XXYLT1: variants seen among roughly 807,000 people sequenced by gnomAD.
XXYLT1 encodes UDP-xylose:alpha-xyloside alpha-1,3-xylosyltransferase.
XXYLT1 carries 20 observed loss-of-function variants against 28.9 expected under a neutral mutation model. The ratio of observed to expected loss-of-function variants is 0.69; its 90% CI spans 0.49 to 1.00. The LOEUF (loss-of-function observed/expected upper bound fraction) is 1.00. Ranked by LOEUF, XXYLT1 falls within the 50% of genes least tolerant of loss-of-function variation. XXYLT1 has a pLI of 0.00. For missense variants in XXYLT1, 542 were observed against 560.1 expected (o/e 0.97, Z 0.33); for synonymous variants, 257 against 253.8 (o/e 1.01, Z -0.12).
intron 3 of XXYLT1, among the ~76,000 whole-genome samples, chr3:195,122,761 G>A (rs1393042369): frequency 6.6e-6 from 1 of 152,210 alleles, no homozygotes; most frequent in Admixed American, 6.5e-5. Flanking sequence ...CCCCATCAGT[G>A]TGACAGCGGG....
At chr3:195,187,485 T>C (rs751886254) in intron 2 of XXYLT1, among the ~76,000 whole-genome samples, 89 of 152,172 alleles carry the variant, frequency 5.8e-4, no homozygotes, top group Non-Finnish European at 1.0e-3. Flanking sequence ...AATTTATCTG[T>C]ATAGTGCTAT....
chr3:195,185,643 T>C (rs1432318656), intron 2 of XXYLT1, among the ~76,000 whole-genome samples: 2 of 151,940 alleles, frequency 1.3e-5, no homozygotes, highest in African/African-American at 2.4e-5. Context: ...TCTGAGGTCA[T>C]GTTAGTCACA....
In XXYLT1 at chr3:195,240,545, G is replaced by A. The variant is rs1724731061; in HGVS notation, c.505-13689C>T. ...CTGAGCCAAGAAGGCACGTGGCAAG[G>A]GCTGGCCCCACGCACGGAAAGATGC... is the stretch of plus-strand genomic sequence containing the variant. On this transcript the variant is annotated intron_variant, in intron 1 of 3. Transcript: ENST00000310380. The surrounding 1 kb of genome is among the most constrained non-coding windows in gnomAD (Gnocchi z 4.7). 6.6e-6 allele frequency among the ~76,000 whole-genome samples: 1 copy of A among 152,252 alleles called. No individual in the cohort carries two copies. Among genetic ancestry groups the A allele is most frequent in the Non-Finnish European group, 1.5e-5 (1 of 68,046 alleles).
intron 2 of XXYLT1, chr3:195,207,522 T>C: frequency 2.2e-6 from 1 of 455,422 alleles, no homozygotes; most frequent in Non-Finnish European, 4.4e-6. Context: ...ATAGCCTTGC[T>C]CAAATACCAC....
intron 2 of XXYLT1, among the ~76,000 whole-genome samples, chr3:195,186,812 T>C (rs752012258): frequency 1.5e-4 from 23 of 151,918 alleles, no homozygotes; most frequent in Non-Finnish European, 2.6e-4. Flanking sequence ...CAGGTGAAAC[T>C]GAATAAATCT....
intron 3 of XXYLT1, among the ~76,000 whole-genome samples, chr3:195,119,993 C>T (rs879739243): frequency 5.3e-5 from 8 of 152,154 alleles, no homozygotes; most frequent in Non-Finnish European, 8.8e-5. Flanking sequence ...CCACTGGGCC[C>T]GCAGGATTCC....
chr3:195,074,524 G>C (rs1392525547), intron 3 of XXYLT1, among the ~76,000 whole-genome samples: 1 of 152,214 alleles, frequency 6.6e-6, no homozygotes, highest in East Asian at 1.9e-4. Flanking sequence ...TCCAAGATGA[G>C]AGTCCAGGAG....
chr3:195,176,598 T>C lies in XXYLT1; in HGVS notation c.653-20017A>G, dbSNP rs937786507. Among the ~76,000 whole-genome samples the C allele has an allele frequency of 6.6e-6, 1 of 152,210 alleles. No individual in the cohort carries two copies. ...AATTTATCGTGTTTATTAAGCTCCC[T>C]AGCTTCTCCAGTTCCTCATGTTTGG... On this transcript the variant is annotated intron_variant, in intron 2 of 3. Coordinates refer to ENST00000310380, the MANE Select transcript of XXYLT1 (RefSeq NM_152531.5). This position sits in a 1 kb window ranked among gnomAD's most constrained non-coding sequence, Gnocchi z 4.9.
At chr3:195,102,411 CCT>C (rs1279003120) in intron 3 of XXYLT1, among the ~76,000 whole-genome samples, 2 of 152,272 alleles carry the variant, frequency 1.3e-5, no homozygotes, top group South Asian at 2.1e-4. Flanking sequence ...CGCTGTATCC[CCT>C]GACTGGTATC....
At position 195,079,429 on chromosome 3, in the gene XXYLT1, C is replaced by T. The variant is rs150045749; in HGVS notation, c.786-9318G>A. 2.4e-3 allele frequency among the ~76,000 whole-genome samples: 362 copies of T among 152,254 alleles called. 1 individual carries two copies. The highest frequency in any genetic ancestry group is 0.02 in the Middle Eastern group (6 of 294). ...ACAGACTGAAGAAATACAGGGAAAA[C>T]GGCAGGGTGGCTTCTTTGAGGAATG... On this transcript the variant is annotated intron_variant, in intron 3 of 3. Transcript: ENST00000310380.
At chr3:195,223,616 T>C (rs975390189) in intron 2 of XXYLT1, among the ~76,000 whole-genome samples, 7 of 152,076 alleles carry the variant, frequency 4.6e-5, no homozygotes, top group African/African-American at 1.7e-4. Context: ...CAGTTAAGAA[T>C]CATGACAAAC....
rs184839676 is a variant in XXYLT1, at chr3:195,103,617, G to A, written c.786-33506C>T. On this transcript the variant is annotated intron_variant, in intron 3 of 3. Transcript: ENST00000310380. ...TTTAAAGGCCCTTACATTCACTGTCGCTGTGCCTTTACCTAGACTCAGATA... is the reference window on the plus strand; with the variant it reads ...TTTAAAGGCCCTTACATTCACTGTCACTGTGCCTTTACCTAGACTCAGATA... Among the ~76,000 whole-genome samples the A allele has an allele frequency of 7.4e-4, 113 of 152,316 alleles. 1 individual carries two copies. The highest frequency in any genetic ancestry group is 1.2e-3 in the Non-Finnish European group (82 of 68,026).
intron 2 of XXYLT1, among the ~76,000 whole-genome samples, chr3:195,201,854 C>T (rs933880766): frequency 2.6e-5 from 4 of 152,154 alleles, no homozygotes; most frequent in Admixed American, 6.6e-5. Context: ...CCCCTCCATC[C>T]GCACAGGAAA....
chr3:195,221,643 T>C (rs1723828156), intron 2 of XXYLT1, among the ~76,000 whole-genome samples: 1 of 152,148 alleles, frequency 6.6e-6, no homozygotes, highest in African/African-American at 2.4e-5. Context: ...ACTGCTGAGC[T>C]GGAGCCAGCA....
At position 195,076,306 on chromosome 3, in the gene XXYLT1, A is replaced by AT; in HGVS notation, c.786-6196_786-6195insA. On this transcript the variant is annotated intron_variant, in intron 3 of 3. Transcript: ENST00000310380. The surrounding 1 kb of genome is among the most constrained non-coding windows in gnomAD (Gnocchi z 5.3). ...CACCCACCCCACACCCACCCGTTCC[A>AT]GAGAGGAAGAAGCCCGCACGGGGTC... 6.7e-6 allele frequency among the ~76,000 whole-genome samples: 1 copy of AT among 150,374 alleles called. No individual in the cohort carries two copies. Among genetic ancestry groups the AT allele is most frequent in the African/African-American group, 2.4e-5 (1 of 41,242 alleles).
intron 3 of XXYLT1, among the ~76,000 whole-genome samples, chr3:195,142,297 A>T (rs780131113): frequency 2.6e-5 from 4 of 152,182 alleles, no homozygotes; most frequent in Admixed American, 1.3e-4. Context: ...ATTTCTCATG[A>T]TGTTTATCTT....
chr3:195,181,873 C>G (rs1721968009), intron 2 of XXYLT1, among the ~76,000 whole-genome samples: 1 of 152,204 alleles, frequency 6.6e-6, no homozygotes, highest in Admixed American at 6.5e-5. Context: ...GAGGTTAGCT[C>G]CTAATGAGCT....
chr3:195,212,282 G>A (rs573619128), intron 2 of XXYLT1, among the ~76,000 whole-genome samples: 6 of 152,340 alleles, frequency 3.9e-5, no homozygotes, highest in African/African-American at 1.4e-4. Context: ...TGGATCCGAT[G>A]GGATCGGATC....
intron 3 of XXYLT1, among the ~76,000 whole-genome samples, chr3:195,079,951 G>T (rs1210544391): frequency 2.0e-5 from 3 of 152,140 alleles, no homozygotes; most frequent in Admixed American, 6.5e-5. Flanking sequence ...GGAGGGCCTG[G>T]CGTGGGCATC....
Sources: gnomAD v4.1 joint callset for allele counts (sites outside exome capture counted in the v4.1 genomes callset) on GRCh38, gnomAD v4.1.1 for gene constraint, Gnocchi (gnomAD v3.1) non-coding constraint, MANE v1.5 for transcripts, NCBI Gene and HGNC (gene_info 2026-07-23, HGNC 2026-07-21) for gene names.